Variants in CFAP221 observed in about 807,000 individuals in gnomAD.
The protein encoded by CFAP221 is cilia and flagella associated protein 221, also known as cilia- and flagella-associated protein 221.
Under a neutral mutation model 113.1 loss-of-function variants are expected in CFAP221, and 97 were observed. The ratio of observed to expected loss-of-function variants is 0.86; its 90% CI spans 0.73 to 1.02. The LOEUF (loss-of-function observed/expected upper bound fraction) is 1.02, where lower values mean the gene tolerates loss of function less well. Ranked by LOEUF, CFAP221 falls within the 50% of genes least tolerant of loss-of-function variation. CFAP221 has a pLI of 0.00. For synonymous variants in CFAP221, 331 were observed against 354.4 expected (o/e 0.93, Z 0.74); for missense variants, 1,025 against 1,013.4 (o/e 1.01, Z -0.16).
intron 14 of CFAP221, among the ~76,000 whole-genome samples, chr2:119,619,751 A>G (rs1007557902): frequency 1.3e-5 from 2 of 152,204 alleles, no homozygotes; most frequent in Non-Finnish European, 2.9e-5. Context: ...TGACAAATTG[A>G]CAGAATTAGG....
intron 7 of CFAP221, among the ~76,000 whole-genome samples, chr2:119,599,757 A>T (rs1260085474): frequency 2.6e-5 from 4 of 151,954 alleles, no homozygotes; most frequent in African/African-American, 9.7e-5. Context: ...TTTGTATTTT[A>T]TGTTCATTTG....
At chr2:119,630,950 GCA>G (rs987861204) in intron 19 of CFAP221, 49 bp downstream of exon 19, 2 of 1,600,792 alleles carry the variant, frequency 1.2e-6, no homozygotes, top group Non-Finnish European at 1.7e-6. Context: ...CTTTATTTCA[GCA>G]ATTACTCTAT....
intron 11 of CFAP221, among the ~76,000 whole-genome samples, chr2:119,606,340 C>T (rs1684760304): frequency 6.6e-6 from 1 of 151,938 alleles, no homozygotes; most frequent in Non-Finnish European, 1.5e-5. Context: ...TGGAGAGTGT[C>T]ATTGAGAGGC....
At chr2:119,649,088 G>C (rs1236434668) in intron 22 of CFAP221, among the ~76,000 whole-genome samples, 2 of 152,172 alleles carry the variant, frequency 1.3e-5, no homozygotes, top group Non-Finnish European at 2.9e-5. Flanking sequence ...TATTTGAGAT[G>C]CAGCTCATGA....
intron 19 of CFAP221, among the ~76,000 whole-genome samples, chr2:119,634,745 G>C (rs1687007634): frequency 6.6e-6 from 1 of 152,170 alleles, no homozygotes; most frequent in Non-Finnish European, 1.5e-5. Flanking sequence ...GTATGATTCT[G>C]CTTATATGAG....
intron 13 of CFAP221, among the ~76,000 whole-genome samples, chr2:119,614,523 C>T (rs1685395118): frequency 6.6e-6 from 1 of 152,208 alleles, no homozygotes; most frequent in Admixed American, 6.5e-5. Context: ...TCCTTCTTCT[C>T]ATGGCTGCAG....
chr2:119,643,791 C>T (rs1415673353), intron 21 of CFAP221, among the ~76,000 whole-genome samples: 1 of 152,002 alleles, frequency 6.6e-6, no homozygotes, highest in Non-Finnish European at 1.5e-5. Context: ...GCAATCCGCC[C>T]ACCTCAGCCT....
intron 14 of CFAP221, among the ~76,000 whole-genome samples, chr2:119,624,962 A>G (rs1028136345): frequency 9.9e-5 from 15 of 152,096 alleles, no homozygotes; most frequent in Admixed American, 3.3e-4. Flanking sequence ...TGGCACGTTT[A>G]TACTTATGTA....
chr2:119,646,651 A>C (rs958692459), intron 21 of CFAP221, among the ~76,000 whole-genome samples: 1 of 152,202 alleles, frequency 6.6e-6, no homozygotes, highest in South Asian at 2.1e-4. Flanking sequence ...AAACCATATC[A>C]GTATCTAACT....
At chr2:119,637,172 C>G (rs1025584560) in intron 19 of CFAP221, among the ~76,000 whole-genome samples, 2 of 152,228 alleles carry the variant, frequency 1.3e-5, no homozygotes, top group African/African-American at 4.8e-5. Flanking sequence ...CTCAGATCCC[C>G]TCAGTGGTCA....
At chr2:119,648,991 G>C (rs1687971908) in intron 22 of CFAP221, among the ~76,000 whole-genome samples, 1 of 152,230 alleles carries the variant, frequency 6.6e-6, no homozygotes, top group Admixed American at 6.5e-5. Context: ...TGCGCTGGTA[G>C]CAGTTACCTG....
intron 8 of CFAP221, among the ~76,000 whole-genome samples, chr2:119,601,903 G>A (rs1684392279): frequency 6.6e-6 from 1 of 152,168 alleles, no homozygotes; most frequent in Admixed American, 6.5e-5. Context: ...GAAAAACACG[G>A]GAGGTTTTCA....
In CFAP221 at chr2:119,625,680, T is replaced by TA. The variant is rs1480704065; in HGVS notation, c.1509dup (p.Ala504SerfsTer18). On this transcript the variant is annotated frameshift_variant, in exon 15 of 24. Coordinates refer to ENST00000413369, the MANE Select transcript of CFAP221 (RefSeq NM_001271049.2). LOFTEE classifies it high-confidence loss of function. ...AAGATTGGCCAAGCAAAACAATCGA[T>TA]AGCACAAGGTGAAGTATGGCTGCAA... 1 of 1,605,174 alleles carries TA rather than the reference T, an allele frequency of 6.2e-7. No homozygotes were observed. The highest frequency in any genetic ancestry group is 8.5e-7 in the Non-Finnish European group (1 of 1,171,814).
intron 6 of CFAP221, among the ~76,000 whole-genome samples, chr2:119,569,524 G>A (rs1220423087): frequency 5.3e-5 from 8 of 151,832 alleles, no homozygotes; most frequent in Non-Finnish European, 1.0e-4. Flanking sequence ...TATCCTCAGT[G>A]GTTTGATGTC....
chr2:119,618,411 A>T (rs1685672142), intron 14 of CFAP221, among the ~76,000 whole-genome samples: 1 of 152,188 alleles, frequency 6.6e-6, no homozygotes, highest in Admixed American at 6.5e-5. Flanking sequence ...GGGACTGTTT[A>T]GACAGTGGGT....
rs1471179250 is a variant in CFAP221, at chr2:119,625,319, G to A, written c.1411-264G>A. ...GTCATTCTTTCCACACTGGAAATATGAGAAAATCAAGGCTCATAAATTGAG... is the reference window on the plus strand; with the variant it reads ...GTCATTCTTTCCACACTGGAAATATAAGAAAATCAAGGCTCATAAATTGAG... On this transcript the variant is annotated intron_variant, in intron 14 of 23. Transcript: ENST00000413369. Among the ~76,000 whole-genome samples the A allele has an allele frequency of 2.0e-5, 3 of 152,272 alleles. No individual in the cohort carries two copies. In the East Asian group the frequency reaches 5.8e-4, roughly 29 times the overall value.
chr2:119,632,214 A>C (rs889633286), intron 19 of CFAP221, among the ~76,000 whole-genome samples: 5 of 152,234 alleles, frequency 3.3e-5, no homozygotes, highest in Admixed American at 3.3e-4. Context: ...CAGGAAAAAA[A>C]AGAAAAGATC....
At chr2:119,626,370 G>A (rs1686306885) in intron 15 of CFAP221, among the ~76,000 whole-genome samples, 1 of 152,120 alleles carries the variant, frequency 6.6e-6, no homozygotes. Context: ...ATGATATAAA[G>A]TGGATCTCTG....
In CFAP221 at chr2:119,571,878, G is replaced by A. The variant is rs77093499; in HGVS notation, c.527+9764G>A. ...AAGGGTATGTTTTCCCTTTCACATA[G>A]AATCAATTGGGACAGAATTGTCAGA... On this transcript the variant is annotated intron_variant, in intron 6 of 23. Coordinates refer to ENST00000413369, the MANE Select transcript of CFAP221 (RefSeq NM_001271049.2). Among the ~76,000 whole-genome samples the A allele has an allele frequency of 1.9e-3, 285 of 152,360 alleles. 4 individuals carry two copies. The East Asian group carries it at 0.037, about 20-fold the overall frequency.
Sources: gnomAD v4.1 joint callset for allele counts (sites outside exome capture counted in the v4.1 genomes callset) on GRCh38, gnomAD v4.1.1 for gene constraint, MANE v1.5 for transcripts, NCBI Gene and HGNC (gene_info 2026-07-23, HGNC 2026-07-21) for gene names.